The following RIC3 variants were observed in gnomAD, a reference collection of about 807,000 sequenced individuals.
RIC3 encodes RIC3 acetylcholine receptor chaperone, also known as protein RIC-3.
In RIC3, 28 loss-of-function variants were observed where a neutral mutation model predicts 27.3. The observed-to-expected ratio is 1.02, with a 90% CI of 0.76 to 1.41. The LOEUF is 1.41. Among genes scored for constraint, RIC3 ranks in the 40% most tolerant of loss-of-function variants. The pLI, the probability that RIC3 is intolerant of heterozygous loss-of-function variation, is 0.00. For missense variants in RIC3, 501 were observed against 444.7 expected, an observed-to-expected ratio of 1.13 and a Z score of -1.14; for synonymous variants, 184 against 160.4, an observed-to-expected ratio of 1.15 and a Z score of -1.11.
chr11:8,102,689 T>C (rs1375071606), downstream of RIC3: 1 of 152,132 alleles, frequency 6.6e-6, no homozygotes, highest in African/African-American at 2.4e-5. Flanking sequence ...TGGGAGGGAA[T>C]GGGACAGGGT....
chr11:8,151,651 T>C (rs376486847), intron 1 of RIC3, among the ~76,000 whole-genome samples: 9 of 147,980 alleles, frequency 6.1e-5, no homozygotes, highest in African/African-American at 2.3e-4. Flanking sequence ...TGGGGGCTCA[T>C]GCTTGTAATC....
intron 1 of RIC3, among the ~76,000 whole-genome samples, chr11:8,149,772 T>C (rs1950056119): frequency 1.3e-5 from 2 of 152,208 alleles, no homozygotes; most frequent in South Asian, 4.1e-4. Context: ...CCCACCTCAT[T>C]ATACCCCTTC....
intron 2 of RIC3, 104 bp from the exon 3 acceptor site, chr11:8,138,451 G>A (rs1270578780): frequency 4.6e-6 from 3 of 645,794 alleles, no homozygotes; most frequent in South Asian, 4.7e-5. Flanking sequence ...AAAAATGAAG[G>A]TCAGAAATTA....
intron 1 of RIC3, among the ~76,000 whole-genome samples, chr11:8,154,495 T>C (rs191853217): frequency 6.6e-6 from 1 of 152,344 alleles, no homozygotes; most frequent in East Asian, 1.9e-4. Context: ...TATGGGATTA[T>C]ATTGGACACA....
chr11:8,101,855 TGC>T, downstream of RIC3: 1 of 475,824 alleles, frequency 2.1e-6, no homozygotes, highest in East Asian at 3.8e-5. Context: ...ATTCTTTCCA[TGC>T]CACGAGATCA....
At chr11:8,163,326 C>T (rs923997091) in intron 1 of RIC3, among the ~76,000 whole-genome samples, 1 of 151,956 alleles carries the variant, frequency 6.6e-6, no homozygotes, top group African/African-American at 2.4e-5. Flanking sequence ...CGAAATGCCC[C>T]CAGATAACAT....
At chr11:8,152,133 C>T (rs955241101) in intron 1 of RIC3, among the ~76,000 whole-genome samples, 3 of 152,112 alleles carry the variant, frequency 2.0e-5, no homozygotes, top group Non-Finnish European at 4.4e-5. Context: ...AAGGAACTCT[C>T]ATACGCTGCT....
At chr11:8,133,296 T>C (rs1947959289) in intron 4 of RIC3, among the ~76,000 whole-genome samples, 1 of 152,242 alleles carries the variant, frequency 6.6e-6, no homozygotes, top group African/African-American at 2.4e-5. Flanking sequence ...ACCTCTGTTC[T>C]TTATAAATTA....
chr11:8,165,773 TTTTG>T (rs1951632018), intron 1 of RIC3, among the ~76,000 whole-genome samples: 1 of 106,878 alleles, frequency 9.4e-6, no homozygotes, highest in African/African-American at 5.4e-5. Flanking sequence ...GGGGTTTTTT[TTTTG>T]TTTTGTTTTG....
intron 5 of RIC3, among the ~76,000 whole-genome samples, chr11:8,120,300 T>C (rs1946298752): frequency 6.6e-6 from 1 of 152,158 alleles, no homozygotes; most frequent in African/African-American, 2.4e-5. Context: ...CAAATGTCCA[T>C]CAATGATAGA....
chr11:8,095,137 T>C, the RIC3 span, among the ~76,000 whole-genome samples: 1 of 152,238 alleles, frequency 6.6e-6, no homozygotes, highest in African/African-American at 2.4e-5. Context: ...GCTGGTCGTG[T>C]CCATGAATGA....
At chr11:8,096,786 A>G in the RIC3 span, 3 of 1,614,062 alleles carry the variant, frequency 1.9e-6, no homozygotes, top group Non-Finnish European at 2.5e-6. Context: ...CAGCTCTGCT[A>G]CTAGCAGGAA....
At chr11:8,100,761 TC>T in the RIC3 span, 2 of 1,595,054 alleles carry the variant, frequency 1.3e-6, no homozygotes, top group Non-Finnish European at 1.7e-6. Flanking sequence ...CCGGGATAGA[TC>T]CCTTTCTGGG....
chr11:8,130,913 C>T (rs1299923050), intron 4 of RIC3, among the ~76,000 whole-genome samples: 1 of 152,034 alleles, frequency 6.6e-6, no homozygotes, highest in East Asian at 1.9e-4. Flanking sequence ...GAGAGGTACA[C>T]AAGGCCAGGT....
At chr11:8,152,518 G>A (rs899717805) in intron 1 of RIC3, among the ~76,000 whole-genome samples, 1 of 152,204 alleles carries the variant, frequency 6.6e-6, no homozygotes, top group Admixed American at 6.5e-5. Context: ...GGATAGTCAA[G>A]TCTATAGGAC....
chr11:8,101,053 G>A, the RIC3 span: 3,112 of 1,597,522 alleles, frequency 1.9e-3, 3 homozygotes, highest in African/African-American at 4.1e-3. Context: ...GGCCCTTAGC[G>A]TAGGGTTCAG....
downstream of RIC3, chr11:8,104,554 G>C (rs964587298): frequency 6.6e-6 from 1 of 152,218 alleles, no homozygotes; most frequent in Non-Finnish European, 1.5e-5. Flanking sequence ...ATGTTGTTAT[G>C]ATCGCCTGTG....
At chr11:8,117,815 T>C (rs1946018491) in intron 5 of RIC3, among the ~76,000 whole-genome samples, 2 of 152,170 alleles carry the variant, frequency 1.3e-5, no homozygotes, top group Non-Finnish European at 2.9e-5. Context: ...TATGTATTAA[T>C]TAAAATAAAT....
chr11:8,102,041 G>A (rs1944329761), downstream of RIC3: 1 of 189,202 alleles, frequency 5.3e-6, no homozygotes, highest in Non-Finnish European at 1.1e-5. Context: ...GGGTACTCCA[G>A]CAGGTAGGGG....
Sources: gnomAD v4.1 joint callset for allele counts (sites outside exome capture counted in the v4.1 genomes callset) on GRCh38, gnomAD v4.1.1 for gene constraint, MANE v1.5 for transcripts, NCBI Gene and HGNC (gene_info 2026-07-23, HGNC 2026-07-21) for gene names.